Variants in SLC12A3 observed in about 807,000 individuals in gnomAD.
SLC12A3 encodes the protein Na-Cl cotransporter.
SLC12A3 carries 104 observed loss-of-function variants against 121.0 expected under a neutral mutation model. That is an observed-to-expected ratio of 0.86 (90% confidence interval 0.73 to 1.01). SLC12A3 has a LOEUF of 1.01. SLC12A3 is among the 50% of genes least tolerant of loss of function. The pLI is 0.00. For missense variants in SLC12A3, 1,328 were observed against 1,356.3 expected (o/e 0.98, Z 0.33); for synonymous variants, 536 against 533.4 (o/e 1.00, Z -0.07).
At chr16:56,882,579 TG>T in intron 13 of SLC12A3, 82 bp downstream of exon 13, 1 of 1,056,894 alleles carries the variant, frequency 9.5e-7, no homozygotes, top group Non-Finnish European at 1.5e-6. Flanking sequence ...GTGGGAGGCA[TG>T]GGTGGAGGTT....
At chr16:56,881,784 C>T (rs2055243313) in intron 12 of SLC12A3, among the ~76,000 whole-genome samples, 1 of 152,104 alleles carries the variant, frequency 6.6e-6, no homozygotes, top group Non-Finnish European at 1.5e-5. Flanking sequence ...CACAATGGCT[C>T]ATGCCTGTAA....
At chr16:56,887,196 A>C (rs1321985439) in intron 17 of SLC12A3, 103 bp downstream of exon 17, 10 of 1,482,888 alleles carry the variant, frequency 6.7e-6, no homozygotes, top group Non-Finnish European at 9.2e-6. Context: ...CTTTTGCTGC[A>C]GAAGGAGCCC....
chr16:56,900,931 G>C (rs560792919), intron 23 of SLC12A3, among the ~76,000 whole-genome samples: 2 of 152,098 alleles, frequency 1.3e-5, no homozygotes, highest in Admixed American at 6.6e-5. Context: ...CAAGATGTTT[G>C]CACTCTTTGT....
chr16:56,892,200 G>A (rs2055397567), intron 20 of SLC12A3, 67 bp downstream of exon 20: 1 of 1,513,186 alleles, frequency 6.6e-7, no homozygotes, highest in Non-Finnish European at 9.2e-7. Context: ...CTCTAGCCCT[G>A]TGGGGTGGCT....
chr16:56,893,840 T>G (rs891890234), intron 21 of SLC12A3, among the ~76,000 whole-genome samples: 1 of 152,122 alleles, frequency 6.6e-6, no homozygotes, highest in Admixed American at 6.5e-5. Flanking sequence ...TGCAGTGGCA[T>G]GATGTCGGCT....
At position 56,913,375 on chromosome 16, in the gene SLC12A3, G is replaced by C; in HGVS notation, c.3036G>C (p.Gln1012His). The C allele has an allele frequency of 6.2e-7, 1 of 1,614,214 alleles. No homozygotes were observed. Among genetic ancestry groups the C allele is most frequent in the Non-Finnish European group, 8.5e-7 (1 of 1,180,048 alleles). The change falls in exon 26 of 26, where the codon CAG (glutamine) becomes CAC (histidine). Residue 1012 changes from glutamine to histidine, a missense_variant. Physicochemically the swap from Gln to His is conservative, Grantham distance 24 (BLOSUM62 0). Coordinates refer to ENST00000563236, the MANE Select transcript of SLC12A3 (RefSeq NM_001126108.2). ...RPPVILIRGN[Q>H]ENVLTFYCQ The stretch of plus-strand genomic sequence containing the variant: ...CAGTCATCCTGATCCGAGGAAACCA[G>C]GAAAACGTGCTCACCTTTTACTGCC...
intron 22 of SLC12A3, among the ~76,000 whole-genome samples, chr16:56,896,682 G>A (rs577714290): frequency 6.6e-6 from 1 of 152,350 alleles, no homozygotes; most frequent in Non-Finnish European, 1.5e-5. Flanking sequence ...CCCAGATCAA[G>A]GCTGCAGTGA....
rs988344463 is a variant in SLC12A3 at position 56,914,159 on chromosome 16, T to G, written c.*754T>G. ...CCTGACCTCAGGTGATCCACCCACC[T>G]CGGTCTCCCAAAGTGCTGGGGTTAC... On this transcript the variant is annotated 3_prime_UTR_variant, in exon 26 of 26. Transcript: ENST00000563236. 4 of 152,232 alleles carry G rather than the reference T, an allele frequency of 2.6e-5. No individual in the cohort carries two copies. Among genetic ancestry groups the G allele is most frequent in the Non-Finnish European group, 5.9e-5 (4 of 68,072 alleles). 9.4% of individuals were successfully genotyped at this position (152,232 alleles called of 1,614,324 possible).
chr16:56,894,468 A>T, intron 21 of SLC12A3, 63 bp from the exon 22 acceptor site: 2 of 1,172,482 alleles, frequency 1.7e-6, no homozygotes, highest in South Asian at 1.3e-5. Flanking sequence ...CGGGGCAGGA[A>T]CTCACATAGT....
intron 8 of SLC12A3, among the ~76,000 whole-genome samples, chr16:56,877,120 G>C (rs910207402): frequency 6.6e-6 from 1 of 152,196 alleles, no homozygotes; most frequent in African/African-American, 2.4e-5. Context: ...GGCCGGGCGC[G>C]GGGGCTCACG....
intron 16 of SLC12A3, among the ~76,000 whole-genome samples, chr16:56,886,743 C>T (rs2055317642): frequency 6.6e-6 from 1 of 152,094 alleles, no homozygotes; most frequent in South Asian, 2.1e-4. Context: ...GGCTTCTCCC[C>T]CAGCTGCCCT....
chr16:56,907,922 T>C (rs763678391), intron 25 of SLC12A3, among the ~76,000 whole-genome samples: 1 of 152,212 alleles, frequency 6.6e-6, no homozygotes, highest in Non-Finnish European at 1.5e-5. Context: ...ACTTCCTATG[T>C]GCCAGTAGAC....
chr16:56,887,790 ATATATATAT>A (rs1156445733), intron 17 of SLC12A3, 126 bp from the exon 18 acceptor site: 12 of 110,414 alleles, frequency 1.1e-4, no homozygotes, highest in African/African-American at 4.0e-4. Context: ...ATATATATAT[ATATATATAT>A]TTTTTTTTTT....
intron 22 of SLC12A3, 140 bp downstream of exon 22, chr16:56,894,782 C>T (rs1309317874): frequency 1.5e-5 from 10 of 673,988 alleles, no homozygotes; most frequent in Admixed American, 1.1e-4. Context: ...AGGGCCAGCT[C>T]TCTCCAGGCC....
Position 56,880,116 on chromosome 16 carries a change from A to C in SLC12A3, c.1444-14A>C. ...GTCCCAGCCTAAGGGTGAGTGCGGC[A>C]TCTGGTGCTGCAGTGCCTTTGCGAG... On this transcript the variant is annotated splice_polypyrimidine_tract_variant and intron_variant, in intron 11 of 25. Coordinates refer to ENST00000563236, the MANE Select transcript of SLC12A3 (RefSeq NM_001126108.2). 6.2e-7 allele frequency: 1 copy of C among 1,601,946 alleles called. No individual in the cohort carries two copies. The highest frequency in any genetic ancestry group is 8.5e-7 in the Non-Finnish European group (1 of 1,175,714).
chr16:56,879,556 G>T lies in SLC12A3; in HGVS notation c.1350G>T (p.Val450=). 6.2e-7 allele frequency: 1 copy of T among 1,613,608 alleles called. No homozygotes were observed. The highest frequency in any genetic ancestry group is 1.7e-4 in the Middle Eastern group (1 of 6,060). ...AATCCCCACAGACCATGAGCATGGTGTCAGGCTTCGCGCCCCTGATCACGG... is the reference window on the plus strand; with the variant it reads ...AATCCCCACAGACCATGAGCATGGTTTCAGGCTTCGCGCCCCTGATCACGG... ...LINYYQTMSM[V]SGFAPLITAG... Residue 450 remains valine, a synonymous_variant, in exon 11 of 26, where the codon GTG becomes GTT. Transcript: ENST00000563236.
chr16:56,888,028 T>A lies in SLC12A3; in HGVS notation c.2282T>A (p.Leu761His). 1 of 1,606,480 alleles carries A rather than the reference T, an allele frequency of 6.2e-7. No individual in the cohort carries two copies. Among genetic ancestry groups the A allele is most frequent in the Non-Finnish European group, 8.5e-7 (1 of 1,174,062 alleles). Residue 761 changes from leucine (L) to histidine (H), a missense_variant, in exon 18 of 26, where the codon CTC becomes CAC. Coordinates refer to ENST00000563236, the MANE Select transcript of SLC12A3 (RefSeq NM_001126108.2). ...PATVEDYIGI[L>H]HDAFDFNYGV... ...ACAGTGGAAGACTACATTGGCATCC[T>A]CCAGTGAGTCGGGGGAGAGGAAGGG...
chr16:56,896,508 C>A (rs2055463868), intron 22 of SLC12A3, among the ~76,000 whole-genome samples: 1 of 152,162 alleles, frequency 6.6e-6, no homozygotes, highest in Non-Finnish European at 1.5e-5. Context: ...ACTCTGGCAG[C>A]AGGCCAAGGC....
intron 12 of SLC12A3, among the ~76,000 whole-genome samples, chr16:56,880,841 C>G (rs1180076472): frequency 1.3e-5 from 2 of 152,188 alleles, no homozygotes; most frequent in Admixed American, 1.3e-4. Flanking sequence ...AGACAAGGTA[C>G]TTCACCTCTC....
Sources: gnomAD v4.1 joint callset for allele counts (sites outside exome capture counted in the v4.1 genomes callset) on GRCh38, gnomAD v4.1.1 for gene constraint, MANE v1.5 for transcripts, NCBI Gene and HGNC (gene_info 2026-07-23, HGNC 2026-07-21) for gene names.